MLIP: variants seen among roughly 807,000 people sequenced by gnomAD.
The protein encoded by MLIP is muscular LMNA interacting protein.
A neutral mutation model predicts 84.8 loss-of-function variants in MLIP; 79 were observed. The ratio of observed to expected loss-of-function variants is 0.93; its 90% CI spans 0.78 to 1.12. MLIP has a LOEUF of 1.12. MLIP is among the 50% of genes most tolerant of loss of function. The probability of loss-of-function intolerance (pLI) is 0.00; values close to 1 mark genes in which losing one functional copy is unlikely to be tolerated. For missense variants in MLIP, 1,257 were observed against 1,160.6 expected, an observed-to-expected ratio of 1.08 and a Z score of -1.21; for synonymous variants, 504 against 463.0, an observed-to-expected ratio of 1.09 and a Z score of -1.14.
At chr6:54,101,029 G>A (rs1031967629) in intron 1 of MLIP, among the ~76,000 whole-genome samples, 2 of 151,984 alleles carry the variant, frequency 1.3e-5, no homozygotes, top group African/African-American at 4.8e-5. Context: ...ACAACACTTT[G>A]GTCTAAATGG....
At chr6:54,251,940 T>G (rs1437323135) in intron 12 of MLIP, among the ~76,000 whole-genome samples, 1 of 75,228 alleles carries the variant, frequency 1.3e-5, no homozygotes, top group African/African-American at 7.8e-5. Context: ...TATTATAACA[T>G]ATAATATATA....
At chr6:54,213,660 T>A (rs1193482353) in intron 11 of MLIP, among the ~76,000 whole-genome samples, 2 of 122,226 alleles carry the variant, frequency 1.6e-5, no homozygotes, top group Admixed American at 1.1e-4. Context: ...CAAGATTGCA[T>A]CACTGCCACT....
At chr6:54,217,488 G>T in intron 11 of MLIP, 2 of 985,358 alleles carry the variant, frequency 2.0e-6, no homozygotes, top group Non-Finnish European at 2.4e-6. Flanking sequence ...TGTCAGTTAA[G>T]CAGAGCTAAA....
intron 1 of MLIP, among the ~76,000 whole-genome samples, chr6:54,079,958 T>C (rs560515495): frequency 4.6e-5 from 7 of 152,262 alleles, no homozygotes; most frequent in Admixed American, 4.6e-4. Flanking sequence ...AGAAAGTTAG[T>C]GGAGGTGGAC....
intron 12 of MLIP, among the ~76,000 whole-genome samples, chr6:54,233,197 A>T (rs1410876283): frequency 1.3e-5 from 2 of 151,894 alleles, no homozygotes; most frequent in African/African-American, 2.4e-5. Context: ...TTTTAATTAT[A>T]CTTTAAGTTC....
chr6:54,116,867 C>T (rs1769968584), intron 1 of MLIP, among the ~76,000 whole-genome samples: 1 of 152,110 alleles, frequency 6.6e-6, no homozygotes, highest in African/African-American at 2.4e-5. Flanking sequence ...AAACTGAATT[C>T]AAGAGCACAT....
At chr6:54,188,382 A>T (rs1357966525) in intron 9 of MLIP, among the ~76,000 whole-genome samples, 1 of 152,102 alleles carries the variant, frequency 6.6e-6, no homozygotes, top group Non-Finnish European at 1.5e-5. Context: ...TTGAAACACA[A>T]ATGCATTTTA....
Position 54,054,253 on chromosome 6 carries a change from C to G in MLIP, c.63+35162C>G, listed in dbSNP as rs149194784. 3.9e-5 allele frequency among the ~76,000 whole-genome samples: 6 copies of G among 152,190 alleles called. 1 individual carries two copies. In the East Asian group the frequency reaches 1.2e-3, roughly 29 times the overall value. ...AAGTTTAGTGCTTCCCGGCAAGCAGCTTAGAGTCAAGTTCTGCAGCTATTC... is the reference window on the plus strand; with the variant it reads ...AAGTTTAGTGCTTCCCGGCAAGCAGGTTAGAGTCAAGTTCTGCAGCTATTC... On this transcript the variant is annotated intron_variant, in intron 1 of 12. Coordinates refer to the MLIP transcript ENST00000274897.
At chr6:54,204,490 A>G (rs985319477) in intron 11 of MLIP, among the ~76,000 whole-genome samples, 10 of 152,352 alleles carry the variant, frequency 6.6e-5, no homozygotes, top group African/African-American at 2.4e-4. Flanking sequence ...TTCACATATT[A>G]TCCATGGAAC....
At chr6:54,236,566 T>A (rs1781377287) in intron 12 of MLIP, among the ~76,000 whole-genome samples, 1 of 151,026 alleles carries the variant, frequency 6.6e-6, no homozygotes, top group Non-Finnish European at 1.5e-5. Flanking sequence ...CACTCCATTA[T>A]ACTCCAGCCT....
chr6:54,170,890 GAGTCGT>G (rs1775701325), intron 9 of MLIP, among the ~76,000 whole-genome samples: 2 of 151,216 alleles, frequency 1.3e-5, no homozygotes, highest in South Asian at 4.2e-4. Flanking sequence ...TGAGTTCCTT[GAGTCGT>G]TAGTGGGTAC....
At chr6:54,206,264 G>A in intron 11 of MLIP, among the ~76,000 whole-genome samples, 2 of 152,134 alleles carry the variant, frequency 1.3e-5, no homozygotes, top group East Asian at 3.9e-4. Flanking sequence ...AAAGTGTTAT[G>A]TAAAAATCCT....
At chr6:54,163,009 G>A (rs991210759) in intron 8 of MLIP, among the ~76,000 whole-genome samples, 16 of 151,906 alleles carry the variant, frequency 1.1e-4, no homozygotes, top group African/African-American at 3.1e-4. Context: ...TGTTGATTGC[G>A]GCCAAGGGTC....
At chr6:54,244,846 G>A (rs1445515744) in intron 12 of MLIP, among the ~76,000 whole-genome samples, 1 of 152,016 alleles carries the variant, frequency 6.6e-6, no homozygotes, top group Non-Finnish European at 1.5e-5. Flanking sequence ...GTCTGCCATT[G>A]GACATATAGT....
chr6:54,170,975 C>A (rs1415533879), intron 9 of MLIP, among the ~76,000 whole-genome samples: 2 of 150,744 alleles, frequency 1.3e-5, no homozygotes, highest in African/African-American at 4.9e-5. Flanking sequence ...AGAGCCAGAC[C>A]CCCCAAAAAA....
chr6:54,206,387 T>A (rs2150727679), intron 11 of MLIP, among the ~76,000 whole-genome samples: 2 of 152,300 alleles, frequency 1.3e-5, no homozygotes, highest in Middle Eastern at 3.4e-3. Context: ...GAGAATATTG[T>A]TTCATCTGAT....
At chr6:54,032,078 G>A (rs1291104547) in intron 1 of MLIP, among the ~76,000 whole-genome samples, 12 of 152,116 alleles carry the variant, frequency 7.9e-5, no homozygotes, top group Admixed American at 7.9e-4. Flanking sequence ...TCTGAGAGTA[G>A]GTGAAAGTGG....
chr6:54,022,476 A>G (rs1211321946), intron 1 of MLIP, among the ~76,000 whole-genome samples: 1 of 152,232 alleles, frequency 6.6e-6, no homozygotes, highest in Admixed American at 6.5e-5. Context: ...AAAGAGATAC[A>G]TTCAAGCTGG....
intron 1 of MLIP, among the ~76,000 whole-genome samples, chr6:54,044,219 G>GC (rs1219523524): frequency 6.6e-6 from 1 of 152,096 alleles, no homozygotes; most frequent in East Asian, 1.9e-4. Flanking sequence ...ATGGTCTTTG[G>GC]TTTCTGGTTC....
Sources: allele counts gnomAD v4.1 joint callset (sites outside exome capture counted in the v4.1 genomes callset), GRCh38; gene constraint gnomAD v4.1.1; transcripts MANE v1.5; gene names NCBI Gene and HGNC (gene_info 2026-07-23, HGNC 2026-07-21).